The following FARP1 variants were observed in gnomAD, a reference collection of about 807,000 sequenced individuals.
FARP1 encodes FERM, ARH/RhoGEF and pleckstrin domain protein 1, also known as FERM, ARHGEF and pleckstrin domain-containing protein 1.
In FARP1, 52 loss-of-function variants were observed where a neutral mutation model predicts 128.8. That is an observed-to-expected ratio of 0.40 (90% CI 0.32 to 0.51). The LOEUF is 0.51. FARP1 is among the 20% of genes least tolerant of loss of function. FARP1 has a pLI of 0.45. For missense variants in FARP1, 1,333 were observed against 1,367.9 expected, an observed-to-expected ratio of 0.97 and a Z score of 0.40; for synonymous variants, 580 against 551.8, an observed-to-expected ratio of 1.05 and a Z score of -0.72.
intron 2 of FARP1, among the ~76,000 whole-genome samples, chr13:98,252,686 T>G (rs942833858): frequency 3.3e-5 from 5 of 152,172 alleles, no homozygotes; most frequent in African/African-American, 1.2e-4. Context: ...ACCTTTGTCT[T>G]TAATACCCAC....
At chr13:98,246,940 C>T (rs976265349) in intron 2 of FARP1, among the ~76,000 whole-genome samples, 2 of 152,182 alleles carry the variant, frequency 1.3e-5, no homozygotes, top group African/African-American at 2.4e-5. Flanking sequence ...GGCAGCTGTT[C>T]CTTGGCGGGG....
intron 2 of FARP1, chr13:98,234,220 C>T (rs1470787491): frequency 6.6e-6 from 1 of 152,172 alleles, no homozygotes. Flanking sequence ...CTCACCTCAC[C>T]TTCATTCTTG....
At chr13:98,261,416 CT>C (rs1333540577) in intron 2 of FARP1, among the ~76,000 whole-genome samples, 1 of 152,194 alleles carries the variant, frequency 6.6e-6, no homozygotes, top group Non-Finnish European at 1.5e-5. Flanking sequence ...TGGATGCAAC[CT>C]TTTGGTCCAT....
chr13:98,312,970 T>G (rs1418055940), intron 2 of FARP1, among the ~76,000 whole-genome samples: 2 of 152,174 alleles, frequency 1.3e-5, no homozygotes, highest in African/African-American at 4.8e-5. Context: ...CAAGCTGTTT[T>G]AGGTTGAACT....
At chr13:98,228,489 C>T (rs1409768748) in intron 2 of FARP1, among the ~76,000 whole-genome samples, 1 of 151,734 alleles carries the variant, frequency 6.6e-6, no homozygotes, top group Non-Finnish European at 1.5e-5. Flanking sequence ...TAAATTAGCC[C>T]CAGCTGATTG....
At chr13:98,346,956 G>A (rs967862164) in intron 3 of FARP1, among the ~76,000 whole-genome samples, 1 of 152,206 alleles carries the variant, frequency 6.6e-6, no homozygotes, top group African/African-American at 2.4e-5. Flanking sequence ...AGTTACAGAT[G>A]CAAATGCAAT....
chr13:98,331,177 T>C (rs191961442), intron 2 of FARP1, among the ~76,000 whole-genome samples: 2 of 152,250 alleles, frequency 1.3e-5, no homozygotes, highest in African/African-American at 4.8e-5. Context: ...ATGTGCTTAG[T>C]AATTCATAAT....
intron 2 of FARP1, among the ~76,000 whole-genome samples, chr13:98,310,359 A>T (rs1305815204): frequency 6.6e-6 from 1 of 152,146 alleles, no homozygotes; most frequent in Non-Finnish European, 1.5e-5. Flanking sequence ...ATAAATCTGT[A>T]CATCAGTAAT....
intron 1 of FARP1, among the ~76,000 whole-genome samples, chr13:98,200,772 T>C (rs1457531656): frequency 6.6e-6 from 1 of 152,134 alleles, no homozygotes; most frequent in Non-Finnish European, 1.5e-5. Flanking sequence ...CCAGGGAAGA[T>C]GAAGTGAGTA....
At chr13:98,232,107 G>A (rs1388820785) in intron 2 of FARP1, among the ~76,000 whole-genome samples, 1 of 149,454 alleles carries the variant, frequency 6.7e-6, no homozygotes. Flanking sequence ...TGGGATTACA[G>A]GCATGAGCCA....
intron 2 of FARP1, among the ~76,000 whole-genome samples, chr13:98,314,518 T>G (rs1194065968): frequency 6.6e-6 from 1 of 152,084 alleles, no homozygotes; most frequent in Non-Finnish European, 1.5e-5. Flanking sequence ...GACCTCATGA[T>G]CTGCCCGCCT....
chr13:98,150,703 T>C (rs1220713182), intron 1 of FARP1, among the ~76,000 whole-genome samples: 1 of 152,168 alleles, frequency 6.6e-6, no homozygotes, highest in African/African-American at 2.4e-5. Flanking sequence ...CTCCATTTAC[T>C]GGATGGCGAT....
Position 98,450,814 on chromosome 13 carries a change from C to G in FARP1, c.*2497C>G, listed in dbSNP as rs1454818670. On this transcript the variant is annotated 3_prime_UTR_variant, in exon 27 of 27. Transcript: ENST00000319562. ...TAATGCAGGCCTGGAAGTGGCGACA[C>G]AAAAGCCAGCTTCCTTGGCTAAGAT... is the stretch of plus-strand genomic sequence containing the variant. 3.9e-5 allele frequency: 6 copies of G among 152,262 alleles called. No homozygotes were observed. Among genetic ancestry groups the G allele is most frequent in the Non-Finnish European group, 8.8e-5 (6 of 68,060 alleles). 9.4% of individuals were successfully genotyped at this position (152,262 alleles called of 1,614,324 possible).
chr13:98,205,971 T>C (rs1310737504), intron 1 of FARP1, among the ~76,000 whole-genome samples: 3 of 152,232 alleles, frequency 2.0e-5, no homozygotes, highest in Non-Finnish European at 4.4e-5. Context: ...TATAACTATG[T>C]TTGGACAAAG....
At chr13:98,168,235 A>G (rs1321798068) in intron 1 of FARP1, among the ~76,000 whole-genome samples, 2 of 152,160 alleles carry the variant, frequency 1.3e-5, no homozygotes, top group Non-Finnish European at 2.9e-5. Flanking sequence ...AATAGACTCT[A>G]CTATCACTAT....
At chr13:98,275,336 GGAGAGAGAGAGAGA>G (rs58331449) in intron 2 of FARP1, among the ~76,000 whole-genome samples, 2 of 143,596 alleles carry the variant, frequency 1.4e-5, no homozygotes, top group Admixed American at 7.1e-5. Context: ...ATGTGGGTAA[GGAGAGAGAGAGAGA>G]GAGAGAGAGA....
At chr13:98,172,873 G>C (rs1877750002) in intron 1 of FARP1, among the ~76,000 whole-genome samples, 1 of 152,178 alleles carries the variant, frequency 6.6e-6, no homozygotes, top group Non-Finnish European at 1.5e-5. Flanking sequence ...GCTAGGATGA[G>C]AGACAGCAGA....
rs1007111874 is a variant in FARP1 at position 98,396,813 on chromosome 13, G to A, written c.1414+1337G>A. ...TTATGAATCCGATCATGTGTATAGT[G>A]TGTTATATTTATATGGCAATTTTCT... On this transcript the variant is annotated intron_variant, in intron 13 of 26. Coordinates refer to ENST00000319562, the MANE Select transcript of FARP1 (RefSeq NM_005766.4). 45 of 226,190 alleles carry A rather than the reference G, an allele frequency of 2.0e-4. 2 individuals carry two copies. The highest frequency in any genetic ancestry group is 1.6e-3 in the East Asian group (19 of 11,562). The allele number at this position is 226,190 out of a possible 1,614,324, so 14.0% of individuals were successfully genotyped here.
chr13:98,337,334 T>G (rs1887785977), intron 2 of FARP1, among the ~76,000 whole-genome samples: 2 of 152,160 alleles, frequency 1.3e-5, no homozygotes, highest in Non-Finnish European at 2.9e-5. Context: ...GTGGTGCCAC[T>G]GCACTCCAGC....
Sources: allele counts gnomAD v4.1 joint callset (sites outside exome capture counted in the v4.1 genomes callset), GRCh38; gene constraint gnomAD v4.1.1; transcripts MANE v1.5; gene names NCBI Gene and HGNC (gene_info 2026-07-23, HGNC 2026-07-21).